The following NELL1 variants were observed in gnomAD, a reference collection of about 807,000 sequenced individuals.
The protein encoded by NELL1 is protein kinase C-binding protein NELL1.
In NELL1, 76 loss-of-function variants were observed where a neutral mutation model predicts 107.4. The observed-to-expected ratio is 0.71, with a 90% CI of 0.59 to 0.86. The LOEUF (loss-of-function observed/expected upper bound fraction) is 0.86. Ranked by LOEUF, NELL1 falls within the 40% of genes least tolerant of loss-of-function variation. The pLI is 0.00. For missense variants in NELL1, 1,024 were observed against 1,005.5 expected, an observed-to-expected ratio of 1.02 and a Z score of -0.25; for synonymous variants, 353 against 341.2, an observed-to-expected ratio of 1.03 and a Z score of -0.38.
At chr11:21,108,152 T>C (rs964967505) in intron 12 of NELL1, among the ~76,000 whole-genome samples, 1 of 152,172 alleles carries the variant, frequency 6.6e-6, no homozygotes, top group Non-Finnish European at 1.5e-5. Flanking sequence ...CCCTCCTAAG[T>C]ATATCCCTCC....
intron 12 of NELL1, among the ~76,000 whole-genome samples, chr11:20,967,701 C>G (rs1346985514): frequency 6.6e-6 from 1 of 152,164 alleles, no homozygotes. Flanking sequence ...TATCTTTTGG[C>G]TAGTGATCCC....
intron 12 of NELL1, among the ~76,000 whole-genome samples, chr11:21,056,238 C>T (rs1024245801): frequency 5.3e-5 from 8 of 152,152 alleles, no homozygotes; most frequent in African/African-American, 7.2e-5. Context: ...CTTGGGCATT[C>T]CCCTCATGAA....
At chr11:20,849,235 G>A (rs911691495) in intron 4 of NELL1, among the ~76,000 whole-genome samples, 4 of 152,180 alleles carry the variant, frequency 2.6e-5, no homozygotes, top group Admixed American at 6.5e-5. Context: ...CCCTAGTTTC[G>A]TAATTTCCAA....
chr11:20,696,405 A>G (rs1324706811), intron 2 of NELL1, among the ~76,000 whole-genome samples: 22 of 152,004 alleles, frequency 1.4e-4, no homozygotes, highest in Admixed American at 1.4e-3. Flanking sequence ...GTGATGTTAG[A>G]TCATTGATGT....
At chr11:21,300,302 T>C (rs1219115880) in intron 14 of NELL1, among the ~76,000 whole-genome samples, 1 of 151,870 alleles carries the variant, frequency 6.6e-6, no homozygotes, top group Non-Finnish European at 1.5e-5. Context: ...GCAAGAATAC[T>C]TTTCTGGCTT....
intron 3 of NELL1, among the ~76,000 whole-genome samples, chr11:20,830,480 G>C (rs1489147949): frequency 1.3e-5 from 2 of 151,866 alleles, no homozygotes; most frequent in Admixed American, 6.6e-5. Context: ...GGGATTACAG[G>C]TGTGTGCCAA....
intron 13 of NELL1, among the ~76,000 whole-genome samples, chr11:21,216,814 A>G (rs1182142427): frequency 6.6e-6 from 1 of 152,120 alleles, no homozygotes. Flanking sequence ...GTCTCAGATG[A>G]TACCTTGGAC....
intron 12 of NELL1, among the ~76,000 whole-genome samples, chr11:21,001,378 C>T (rs1009827006): frequency 6.6e-6 from 1 of 151,448 alleles, no homozygotes; most frequent in African/African-American, 2.4e-5. Flanking sequence ...CTCAAGGATG[C>T]TCTGGAGAAG....
At chr11:20,829,973 A>G (rs992550066) in intron 3 of NELL1, among the ~76,000 whole-genome samples, 15 of 152,224 alleles carry the variant, frequency 9.9e-5, no homozygotes, top group African/African-American at 3.6e-4. Flanking sequence ...AATTAAAGAA[A>G]TTAGTAGTAA....
chr11:20,895,386 C>T (rs1341206476), intron 5 of NELL1, among the ~76,000 whole-genome samples: 1 of 149,088 alleles, frequency 6.7e-6, no homozygotes, highest in East Asian at 2.0e-4. Flanking sequence ...GCTCCATGTA[C>T]CCCATTCACC....
chr11:21,246,506 C>T (rs1412927285), intron 14 of NELL1, among the ~76,000 whole-genome samples: 1 of 151,942 alleles, frequency 6.6e-6, no homozygotes, highest in Non-Finnish European at 1.5e-5. Context: ...TGTCCTTAGG[C>T]GATTTTGTTG....
intron 15 of NELL1, among the ~76,000 whole-genome samples, chr11:21,528,046 G>T (rs532994644): frequency 1.3e-5 from 2 of 152,222 alleles, no homozygotes; most frequent in South Asian, 4.1e-4. Flanking sequence ...CACTCAATAT[G>T]AACCATCACA....
At chr11:21,071,305 C>T (rs762349565) in intron 12 of NELL1, among the ~76,000 whole-genome samples, 1 of 152,118 alleles carries the variant, frequency 6.6e-6, no homozygotes, top group Non-Finnish European at 1.5e-5. Context: ...AACTCCAGTG[C>T]CCATAGCATA....
rs180826909 is a variant in NELL1 at position 21,206,102 on chromosome 11, G to T, written c.1427-23230G>T. ...TATAACAAATTGTCATACACTCCAT[G>T]GCTTAAAACAACAGAATCTTTTTCT... On this transcript the variant is annotated intron_variant, in intron 13 of 19. Transcript: ENST00000357134. Among the ~76,000 whole-genome samples the T allele has an allele frequency of 9.2e-4, 140 of 152,134 alleles. 2 individuals carry two copies. Among genetic ancestry groups the T allele is most frequent in the African/African-American group, 3.4e-3 (139 of 41,488 alleles).
chr11:21,319,245 G>A (rs1310849089), intron 14 of NELL1, among the ~76,000 whole-genome samples: 3 of 151,296 alleles, frequency 2.0e-5, no homozygotes, highest in Non-Finnish European at 2.9e-5. Flanking sequence ...ACATGATCTC[G>A]GCTCACTGCA....
rs1331050021 is a variant in NELL1, at chr11:20,782,053, AT to A, written c.185-1626del. Among the ~76,000 whole-genome samples, 813 of 151,518 alleles carry A rather than the reference AT, an allele frequency of 5.4e-3. 4 individuals carry two copies. The highest frequency in any genetic ancestry group is 0.019 in the African/African-American group (767 of 41,218). On this transcript the variant is annotated intron_variant, in intron 2 of 19. Transcript: ENST00000357134. Reference sequence around the variant, plus strand: ...AGACCCTCATCTCAAAAAAAAAAAAATAATAATGATAATAAAAATAATATTA... The same window carrying A: ...AGACCCTCATCTCAAAAAAAAAAAAAAATAATGATAATAAAAATAATATTA...
rs1323337980 is a variant in NELL1, at chr11:21,099,230, C to CAA, written c.1301-14358_1301-14357insAA. Among the ~76,000 whole-genome samples, 362 of 126,934 alleles carry CAA rather than the reference C, an allele frequency of 2.9e-3. 3 individuals are homozygous for CAA. The highest frequency in any genetic ancestry group is 0.021 in the Admixed American group (258 of 12,210). The allele number at this position is 126,934 out of a possible 152,430, so 83.3% of individuals were successfully genotyped here. ...ACACACACACACACACACACACACA[C>CAA]ACAAACACACACACACACACACGGA... On this transcript the variant is annotated intron_variant, in intron 12 of 19. Coordinates refer to ENST00000357134, the MANE Select transcript of NELL1 (RefSeq NM_006157.5).
intron 13 of NELL1, among the ~76,000 whole-genome samples, chr11:21,161,266 G>A (rs1478038327): frequency 6.6e-6 from 1 of 152,100 alleles, no homozygotes. Context: ...AGCTGGGCAT[G>A]GTGGCTCATG....
At chr11:21,420,897 A>G (rs1852648747) in intron 15 of NELL1, among the ~76,000 whole-genome samples, 1 of 152,170 alleles carries the variant, frequency 6.6e-6, no homozygotes, top group Non-Finnish European at 1.5e-5. Context: ...GAGGAAATTG[A>G]TGACTTCAAA....
Sources: gnomAD v4.1 joint callset for allele counts (sites outside exome capture counted in the v4.1 genomes callset) on GRCh38, gnomAD v4.1.1 for gene constraint, MANE v1.5 for transcripts, NCBI Gene and HGNC (gene_info 2026-07-23, HGNC 2026-07-21) for gene names.